HEXB: variants seen among roughly 807,000 people sequenced by gnomAD.
HEXB encodes the protein beta-hexosaminidase subunit beta.
A neutral mutation model predicts 71.2 loss-of-function variants in HEXB; 51 were observed. The ratio of observed to expected loss-of-function variants is 0.72; its 90% CI spans 0.57 to 0.90. HEXB has a LOEUF of 0.90. Among genes scored for constraint, HEXB ranks in the 40% least tolerant of loss-of-function variants. The pLI is 0.00. For missense variants in HEXB, 617 were observed against 677.0 expected, an observed-to-expected ratio of 0.91 and a Z score of 0.98; for synonymous variants, 266 against 249.3, an observed-to-expected ratio of 1.07 and a Z score of -0.63.
At chr5:74,707,740 A>AAAAG (rs923557977) in intron 6 of HEXB, among the ~76,000 whole-genome samples, 9 of 152,120 alleles carry the variant, frequency 5.9e-5, no homozygotes, top group Non-Finnish European at 8.8e-5. Context: ...GTTTAGAGAA[A>AAAAG]AAAGAATAAA....
At chr5:74,707,136 A>C (rs1749417688) in intron 6 of HEXB, among the ~76,000 whole-genome samples, 1 of 151,990 alleles carries the variant, frequency 6.6e-6, no homozygotes, top group Non-Finnish European at 1.5e-5. Flanking sequence ...CGGTTCACGA[A>C]AAACCACTGT....
chr5:74,705,854 G>A (rs1457863649), intron 6 of HEXB: 1 of 160,202 alleles, frequency 6.2e-6, no homozygotes, highest in African/African-American at 2.4e-5. Context: ...GTAATACAAA[G>A]AAGGTACCTG....
Position 74,697,236 on chromosome 5 carries a change from C to T in HEXB, c.669+130C>T, listed in dbSNP as rs888177467. The T allele has an allele frequency of 9.3e-5, 62 of 668,848 alleles. 1 individual carries two copies. The highest frequency in any genetic ancestry group is 4.3e-5 in the Admixed American group (2 of 46,160). 41.4% of individuals were successfully genotyped at this position (668,848 alleles called of 1,614,324 possible). A position where few individuals can be genotyped will look rare whatever the true frequency, so the allele number is the denominator to read the frequency against. On this transcript the variant is annotated intron_variant, in intron 5 of 13. Coordinates refer to ENST00000261416, the MANE Select transcript of HEXB (RefSeq NM_000521.4). Reference sequence around the variant, plus strand: ...GTATAAGCACTGGGCATTCTTTCCTCAGTTCCTAGGGAAGTGTATTTCCTC... The same window carrying T: ...GTATAAGCACTGGGCATTCTTTCCTTAGTTCCTAGGGAAGTGTATTTCCTC...
Position 74,713,635 on chromosome 5 carries a change from G to C in HEXB, c.901G>C (p.Gly301Arg), listed in dbSNP as rs2112172036. ...TPGHTLSWGK[G>R]QKDLLTPCYS... The stretch of plus-strand genomic sequence containing the variant: ...TGGGCATACACTATCTTGGGGAAAA[G>C]GTAAGGAGTTGTATTTTATTTCATT... Residue 301 changes from glycine to arginine, a missense_variant and splice_region_variant, in exon 7 of 14, where the codon GGT (glycine) becomes CGT (arginine). By Grantham distance (125) the Gly-to-Arg change is moderately radical. Transcript: ENST00000261416. 2 of 1,611,092 alleles carry C rather than the reference G, an allele frequency of 1.2e-6. No individual in the cohort carries two copies. Among genetic ancestry groups the C allele is most frequent in the Non-Finnish European group, 8.5e-7 (1 of 1,177,452 alleles).
intron 1 of HEXB, among the ~76,000 whole-genome samples, chr5:74,659,464 C>T (rs753086432): frequency 1.6e-4 from 24 of 152,056 alleles, no homozygotes; most frequent in Non-Finnish European, 2.6e-4. Flanking sequence ...GCGGGGAAGC[C>T]ACAGGTGATT....
intron 5 of HEXB, among the ~76,000 whole-genome samples, chr5:74,699,536 A>G (rs1299870204): frequency 2.0e-5 from 3 of 152,134 alleles, no homozygotes; most frequent in African/African-American, 7.2e-5. Flanking sequence ...TGGCCTCCCA[A>G]AATGATGGGA....
intron 1 of HEXB, among the ~76,000 whole-genome samples, chr5:74,659,943 G>A (rs1011062213): frequency 7.9e-5 from 12 of 152,134 alleles, no homozygotes; most frequent in African/African-American, 2.4e-4. Context: ...GGGCAGAAGG[G>A]GAGGGTGAGG....
chr5:74,701,546 A>G (rs1028694775), intron 5 of HEXB, among the ~76,000 whole-genome samples: 18 of 152,274 alleles, frequency 1.2e-4, no homozygotes, highest in South Asian at 2.1e-4. Context: ...TTCTGAAGTC[A>G]TAATCTTTAC....
chr5:74,693,702 G>C lies in HEXB; in HGVS notation c.509G>C (p.Arg170Pro). 1.2e-6 allele frequency: 2 copies of C among 1,609,878 alleles called. No homozygotes were observed. Among genetic ancestry groups the C allele is most frequent in the Non-Finnish European group, 1.7e-6 (2 of 1,176,156 alleles). Residue 170 changes from arginine (R) to proline (P), a missense_variant and splice_region_variant, in exon 3 of 14, where the codon CGA becomes CCA. By Grantham distance (103) the Arg-to-Pro change is moderately radical (BLOSUM62 -2). Coordinates refer to ENST00000261416, the MANE Select transcript of HEXB (RefSeq NM_000521.4). ...GCCAACAGAGTTTGGGGAGCATTACGAGGTAAGTTCCATGCAGTTTCATTG... is the reference window on the plus strand; with the variant it reads ...GCCAACAGAGTTTGGGGAGCATTACCAGGTAAGTTCCATGCAGTTTCATTG... ...LKANRVWGAL[R>P]GLETFSQLVY...
chr5:74,696,937 C>T (rs1404442318), intron 4 of HEXB, 59 bp from the exon 5 acceptor site: 2 of 908,818 alleles, frequency 2.2e-6, no homozygotes, highest in African/African-American at 3.3e-5. Context: ...ATTTAGTCTT[C>T]ATTGAGTTCA....
In HEXB at chr5:74,719,154, G is replaced by A. The variant is rs998148185; in HGVS notation, c.1417+183G>A. ...TCCTTGATTTTATGTGTTTTTTTAA[G>A]TTCAGTATCATTTTAAACTCTCAAG... On this transcript the variant is annotated intron_variant, in intron 11 of 13. Coordinates refer to ENST00000261416, the MANE Select transcript of HEXB (RefSeq NM_000521.4). Among the ~76,000 whole-genome samples, 6 of 151,850 alleles carry A rather than the reference G, an allele frequency of 4.0e-5. No homozygotes were observed. In the East Asian group the frequency reaches 1.2e-3, roughly 29 times the overall value.
chr5:74,720,262 G>A, intron 11 of HEXB, 166 bp from the exon 12 acceptor site: 1 of 655,320 alleles, frequency 1.5e-6, no homozygotes. Context: ...GGAAGAGGAG[G>A]GGCCATCTTT....
intron 1 of HEXB, among the ~76,000 whole-genome samples, chr5:74,650,765 CA>C (rs773616448): frequency 4.2e-4 from 61 of 145,454 alleles, no homozygotes; most frequent in Admixed American, 9.6e-4. Flanking sequence ...ACTAAAAATA[CA>C]AAAAAAAAAA....
At chr5:74,655,488 T>C (rs1748202083) in intron 1 of HEXB, among the ~76,000 whole-genome samples, 1 of 151,786 alleles carries the variant, frequency 6.6e-6, no homozygotes, top group Non-Finnish European at 1.5e-5. Context: ...AAGTTTGTTT[T>C]TTTGTTTGTT....
chr5:74,706,733 G>A (rs1004344814), intron 6 of HEXB, among the ~76,000 whole-genome samples: 13 of 152,174 alleles, frequency 8.5e-5, no homozygotes, highest in Non-Finnish European at 7.4e-5. Context: ...AGGCGGCAGC[G>A]AGGCTGGGGG....
intron 5 of HEXB, among the ~76,000 whole-genome samples, chr5:74,700,001 C>CTTTTTTTTTTTTTTTTTTTTTT (rs58177670): frequency 2.5e-5 from 1 of 40,336 alleles, no homozygotes. Context: ...TGTAAGTTTC[C>CTTTTTTTTTTTTTTTTTTTTTT]TTTTTTTTTT....
At chr5:74,706,603 C>CT (rs956041028) in intron 6 of HEXB, among the ~76,000 whole-genome samples, 1 of 152,202 alleles carries the variant, frequency 6.6e-6, no homozygotes, top group African/African-American at 2.4e-5. Context: ...GAATACTGTG[C>CT]TTTTCCGACG....
chr5:74,716,898 A>G (rs998810878), intron 9 of HEXB: 1 of 389,410 alleles, frequency 2.6e-6, no homozygotes, highest in Non-Finnish European at 4.9e-6. Context: ...TGTTCTAAAA[A>G]CTCAGATTGG....
chr5:74,676,583 T>C (rs567479665), intron 1 of HEXB, among the ~76,000 whole-genome samples: 15 of 152,210 alleles, frequency 9.9e-5, no homozygotes, highest in South Asian at 6.2e-4. Flanking sequence ...CTGGCCAACA[T>C]TGTGAAACCC....
Sources: allele counts gnomAD v4.1 joint callset (sites outside exome capture counted in the v4.1 genomes callset), GRCh38; gene constraint gnomAD v4.1.1; transcripts MANE v1.5; gene names NCBI Gene and HGNC (gene_info 2026-07-23, HGNC 2026-07-21).